Variants in CRIPTO observed in about 807,000 individuals in gnomAD.
CRIPTO encodes the protein protein Cripto.
chr3:46,580,102 C>T, the CRIPTO span: 13 of 1,613,968 alleles, frequency 8.1e-6, no homozygotes, highest in East Asian at 4.5e-5. Flanking sequence ...TTTGAAGTTA[C>T]GTAGTTGCCT....
At chr3:46,578,025 T>G in the CRIPTO span, 1 of 1,613,782 alleles carries the variant, frequency 6.2e-7, no homozygotes, top group Non-Finnish European at 8.5e-7. Flanking sequence ...ATCTTGAATG[T>G]GAACTTTTTT....
chr3:46,581,014 G>A, the CRIPTO span: 27 of 764,206 alleles, frequency 3.5e-5, no homozygotes, highest in African/African-American at 6.9e-5. Flanking sequence ...TAGGTTCCAG[G>A]TGTGAGTGTC....
At chr3:46,582,320 C>G in the CRIPTO span, 1 of 152,180 alleles carries the variant, frequency 6.6e-6, no homozygotes, top group Non-Finnish European at 1.5e-5. Context: ...CTATTCAATT[C>G]TTTTAACTGT....
At chr3:46,581,216 T>C in the CRIPTO span, 1 of 1,614,234 alleles carries the variant, frequency 6.2e-7, no homozygotes, top group Non-Finnish European at 8.5e-7. Flanking sequence ...TTTATGCTAG[T>C]TGGCATCTGC....
chr3:46,580,112 T>C, the CRIPTO span: 1 of 1,613,122 alleles, frequency 6.2e-7, no homozygotes, highest in Non-Finnish European at 8.5e-7. Flanking sequence ...CGTAGTTGCC[T>C]TGGGGGGTGC....
the CRIPTO span, chr3:46,579,210 A>C: frequency 6.2e-7 from 1 of 1,614,120 alleles, no homozygotes; most frequent in Non-Finnish European, 8.5e-7. Context: ...TACAGACTCC[A>C]TGAATTGATT....
chr3:46,579,363 C>G, the CRIPTO span: 1 of 1,614,104 alleles, frequency 6.2e-7, no homozygotes, highest in Non-Finnish European at 8.5e-7. Context: ...GGGGATACAG[C>G]ACAGTAAGAA....
At chr3:46,575,408 C>T in the CRIPTO span, among the ~76,000 whole-genome samples, 1 of 152,164 alleles carries the variant, frequency 6.6e-6, no homozygotes, top group African/African-American at 2.4e-5. Context: ...CCCCTTCTCC[C>T]CACCCCCCAT....
chr3:46,580,288 A>G, the CRIPTO span, among the ~76,000 whole-genome samples: 3 of 152,156 alleles, frequency 2.0e-5, no homozygotes, highest in African/African-American at 4.8e-5. Context: ...ATAGAGATGT[A>G]TTTCAAGTCT....
chr3:46,580,967 G>A, the CRIPTO span, among the ~76,000 whole-genome samples: 8,657 of 152,176 alleles, frequency 0.057, 855 homozygotes, highest in African/African-American at 0.2. Context: ...TAACCAGGTT[G>A]TGCTCATTCC....
chr3:46,578,815 A>G, the CRIPTO span, among the ~76,000 whole-genome samples: 1 of 152,240 alleles, frequency 6.6e-6, no homozygotes, highest in African/African-American at 2.4e-5. Flanking sequence ...AACATGTGAA[A>G]TAGAAGATAA....
chr3:46,579,943 A>G, the CRIPTO span: 577 of 1,614,180 alleles, frequency 3.6e-4, 2 homozygotes, highest in African/African-American at 5.1e-3. Flanking sequence ...TTACCTGTTC[A>G]TTCTCAGGAA....
the CRIPTO span, chr3:46,580,994 A>G: frequency 4.1e-5 from 29 of 712,844 alleles, no homozygotes; most frequent in East Asian, 7.8e-4. Flanking sequence ...TGAAGGCATC[A>G]CCACTGGGCT....
At chr3:46,576,752 A>G in the CRIPTO span, among the ~76,000 whole-genome samples, 15 of 152,346 alleles carry the variant, frequency 9.8e-5, no homozygotes, top group African/African-American at 3.1e-4. Context: ...TTTAGAAACT[A>G]TTAACGACTT....
chr3:46,580,218 T>C, the CRIPTO span: 1 of 913,210 alleles, frequency 1.1e-6, no homozygotes, highest in Non-Finnish European at 1.7e-6. Flanking sequence ...ATGAGATAGT[T>C]GCCTTGGCCT....
At chr3:46,579,705 C>G in the CRIPTO span, 1 of 1,607,588 alleles carries the variant, frequency 6.2e-7, no homozygotes, top group Non-Finnish European at 8.5e-7. Flanking sequence ...CTTTTCCATC[C>G]CTACACCCTC....
the CRIPTO span, chr3:46,581,843 GTCT>G: frequency 5.3e-6 from 1 of 190,090 alleles, no homozygotes; most frequent in South Asian, 1.8e-4. Flanking sequence ...TTCTACCAAG[GTCT>G]TCTTAATATG....
chr3:46,579,044 A>T, the CRIPTO span: 1 of 1,604,334 alleles, frequency 6.2e-7, no homozygotes, highest in African/African-American at 1.3e-5. Context: ...TTAACTTGTA[A>T]GGTTTTATTT....
the CRIPTO span, among the ~76,000 whole-genome samples, chr3:46,580,699 C>G: frequency 7.2e-5 from 11 of 152,126 alleles, no homozygotes; most frequent in Non-Finnish European, 1.5e-4. Flanking sequence ...GTTTCTAGGG[C>G]CCCCCAAATT....
Sources: gnomAD v4.1 joint callset for allele counts (sites outside exome capture counted in the v4.1 genomes callset) on GRCh38, gnomAD v4.1.1 for gene constraint, MANE v1.5 for transcripts, NCBI Gene and HGNC (gene_info 2026-07-23, HGNC 2026-07-21) for gene names.